Variants in PHF24 observed in about 807,000 individuals in gnomAD.
PHF24 encodes the protein PHD finger protein 24.
In PHF24, 25 loss-of-function variants were observed where a neutral mutation model predicts 42.6. That is an observed-to-expected ratio of 0.59 (90% CI 0.43 to 0.82). The LOEUF is 0.82. Ranked by LOEUF, PHF24 falls within the 40% of genes least tolerant of loss-of-function variation. The probability of loss-of-function intolerance (pLI) is 0.00; values close to 1 mark genes in which losing one functional copy is unlikely to be tolerated. For synonymous variants in PHF24, 185 were observed against 204.8 expected, an observed-to-expected ratio of 0.90 and a Z score of 0.83; for missense variants, 470 against 538.1, an observed-to-expected ratio of 0.87 and a Z score of 1.25.
chr9:34,751,792 A>T, the PHF24 span, among the ~76,000 whole-genome samples: 1 of 152,252 alleles, frequency 6.6e-6, no homozygotes, highest in Non-Finnish European at 1.5e-5. Context: ...AGGATAGATC[A>T]TTTGTTAGGC....
chr9:34,880,039 C>T, the PHF24 span, among the ~76,000 whole-genome samples: 1 of 152,126 alleles, frequency 6.6e-6, no homozygotes, highest in Non-Finnish European at 1.5e-5. Flanking sequence ...GAGTGGGGGC[C>T]AATATTCAAC....
chr9:34,886,787 G>GTCTGTCTGTCTAC, the PHF24 span, among the ~76,000 whole-genome samples: 4 of 121,644 alleles, frequency 3.3e-5, no homozygotes, highest in African/African-American at 1.3e-4. Flanking sequence ...TGTCTACTCT[G>GTCTGTCTGTCTAC]TCTATCTACT....
chr9:34,681,217 G>A, the PHF24 span: 1 of 152,186 alleles, frequency 6.6e-6, no homozygotes, highest in African/African-American at 2.4e-5. Context: ...CAGCAGGCTT[G>A]GTATGCATGG....
the PHF24 span, among the ~76,000 whole-genome samples, chr9:34,818,947 G>A: frequency 6.6e-6 from 1 of 152,154 alleles, no homozygotes; most frequent in East Asian, 1.9e-4. Context: ...TTTTCTTCAT[G>A]TGAAAGCTTT....
At chr9:34,709,949 AG>A in the PHF24 span, 1 of 1,614,092 alleles carries the variant, frequency 6.2e-7, no homozygotes. Flanking sequence ...GCTCCTATCC[AG>A]GCCTCTTGAT....
the PHF24 span, among the ~76,000 whole-genome samples, chr9:34,744,795 C>T: frequency 6.6e-6 from 1 of 151,744 alleles, no homozygotes; most frequent in African/African-American, 2.4e-5. Flanking sequence ...TAGGTCTTGC[C>T]AAAATCAGGT....
At chr9:34,842,319 A>T in the PHF24 span, among the ~76,000 whole-genome samples, 2 of 152,202 alleles carry the variant, frequency 1.3e-5, no homozygotes, top group East Asian at 3.8e-4. Flanking sequence ...CTTTATAAGG[A>T]CATGTATTCC....
At chr9:34,765,458 C>T in the PHF24 span, among the ~76,000 whole-genome samples, 13 of 150,456 alleles carry the variant, frequency 8.6e-5, no homozygotes, top group African/African-American at 3.2e-4. Context: ...TATGTAATGG[C>T]CTTCTTTGTC....
intron 1 of PHF24, among the ~76,000 whole-genome samples, chr9:34,967,455 T>C (rs1826817105): frequency 6.6e-6 from 1 of 152,382 alleles, no homozygotes; most frequent in African/African-American, 2.4e-5. Context: ...ACAAAAAATA[T>C]ATTTCTTACT....
the PHF24 span, among the ~76,000 whole-genome samples, chr9:34,901,621 G>A: frequency 9.2e-5 from 14 of 152,094 alleles, no homozygotes; most frequent in African/African-American, 2.4e-4. Flanking sequence ...ATAGGGGGTC[G>A]GGCGTGGTGA....
chr9:34,697,867 C>T, the PHF24 span, among the ~76,000 whole-genome samples: 1 of 152,166 alleles, frequency 6.6e-6, no homozygotes, highest in Non-Finnish European at 1.5e-5. Flanking sequence ...GTGAGATGCT[C>T]TCTTGGGACT....
the PHF24 span, among the ~76,000 whole-genome samples, chr9:34,705,002 G>A: frequency 4.8e-3 from 726 of 151,780 alleles, 13 homozygotes; most frequent in Admixed American, 0.025. Flanking sequence ...ATTAAAATGA[G>A]TTTTCATGCT....
At chr9:34,950,417 T>C in the PHF24 span, among the ~76,000 whole-genome samples, 1 of 145,488 alleles carries the variant, frequency 6.9e-6, no homozygotes, top group East Asian at 2.0e-4. Context: ...TGGAATAAAA[T>C]AGGAATTAAT....
the PHF24 span, among the ~76,000 whole-genome samples, chr9:34,712,942 C>G: frequency 1.3e-5 from 2 of 152,268 alleles, no homozygotes; most frequent in East Asian, 3.9e-4. Flanking sequence ...TAGTCTCTGT[C>G]AAATTCCTTT....
At chr9:34,889,954 C>T in the PHF24 span, among the ~76,000 whole-genome samples, 1 of 152,056 alleles carries the variant, frequency 6.6e-6, no homozygotes. Context: ...GCAAATTATT[C>T]TTATCTGGTC....
chr9:34,720,022 G>T, the PHF24 span, among the ~76,000 whole-genome samples: 6 of 152,138 alleles, frequency 3.9e-5, no homozygotes, highest in Admixed American at 6.5e-5. Context: ...CCAAGCAGTG[G>T]ACACATTGTG....
the PHF24 span, among the ~76,000 whole-genome samples, chr9:34,845,867 G>A: frequency 2.0e-5 from 3 of 150,598 alleles, no homozygotes; most frequent in Non-Finnish European, 4.4e-5. Flanking sequence ...TTTTGTTCTT[G>A]CGATAGTTTA....
chr9:34,709,780 A>C, the PHF24 span: 17 of 1,612,860 alleles, frequency 1.1e-5, no homozygotes, highest in Non-Finnish European at 1.4e-5. Flanking sequence ...CACTCACAGG[A>C]TAGCTGGGAT....
chr9:34,831,698 G>C, the PHF24 span, among the ~76,000 whole-genome samples: 1 of 152,090 alleles, frequency 6.6e-6, no homozygotes. Flanking sequence ...CTCCAACTAC[G>C]TGACCCTGCT....
Sources: gnomAD v4.1 joint callset for allele counts (sites outside exome capture counted in the v4.1 genomes callset) on GRCh38, gnomAD v4.1.1 for gene constraint, MANE v1.5 for transcripts, NCBI Gene and HGNC (gene_info 2026-07-23, HGNC 2026-07-21) for gene names.